The following ZSWIM8 variants were observed in gnomAD, a reference collection of about 807,000 sequenced individuals.
ZSWIM8 encodes zinc finger SWIM-type containing 8.
In ZSWIM8, 27 loss-of-function variants were observed where a neutral mutation model predicts 173.7. The observed-to-expected ratio is 0.16, with a 90% CI of 0.11 to 0.21. ZSWIM8 has a LOEUF of 0.21. Ranked by LOEUF, ZSWIM8 falls within the 10% of genes least tolerant of loss-of-function variation. ZSWIM8 has a pLI of 1.00. For missense variants in ZSWIM8, 1,627 were observed against 2,428.8 expected (o/e 0.67, Z 6.94); for synonymous variants, 958 against 962.0 (o/e 1.00, Z 0.08).
chr10:73,792,566 C>T lies in ZSWIM8; in HGVS notation c.2027C>T (p.Ser676Leu), dbSNP rs375628181. 3.2e-5 allele frequency: 51 copies of T among 1,614,018 alleles called. No homozygotes were observed. Among genetic ancestry groups the T allele is most frequent in the Non-Finnish European group, 3.8e-5 (45 of 1,179,886 alleles). Reference sequence around the variant, plus strand: ...GAAGAAGATGGTGGTGTGTACTTCTCGGAAGGGCCTGAGCCTCCCACAGCC... The same window carrying T: ...GAAGAAGATGGTGGTGTGTACTTCTTGGAAGGGCCTGAGCCTCCCACAGCC... ...TYEEDGGVYF[S>L]EGPEPPTASV... Residue 676 changes from serine to leucine, a missense_variant, in exon 10 of 26, where the codon TCG (serine) becomes TTG (leucine). By Grantham distance (145) the Ser-to-Leu change is moderately radical. Around this residue, in one of 18 missense-constraint regions of ZSWIM8, gnomAD observed 383 missense variants for 394.8 expected, o/e 0.97. Transcript: ENST00000604729. The surrounding 1 kb of genome is among the most constrained non-coding windows in gnomAD (Gnocchi z 4.3).
At position 73,797,660 on chromosome 10, in the gene ZSWIM8, C is replaced by T; in HGVS notation, c.3662+55C>T. 1.3e-6 allele frequency: 2 copies of T among 1,588,022 alleles called. No homozygotes were observed. The highest frequency in any genetic ancestry group is 1.7e-6 in the Non-Finnish European group (2 of 1,162,620). On this transcript the variant is annotated intron_variant, in intron 18 of 25. Transcript: ENST00000604729. The surrounding 1 kb of genome is among the most constrained non-coding windows in gnomAD (Gnocchi z 5.6). ...GATCTGGCCCACCCTCAGAGCCACA[C>T]CCCTAGTGCAATCCAACCATTGTCT... is the stretch of plus-strand genomic sequence containing the variant.
In ZSWIM8 at chr10:73,785,888, A is replaced by T; in HGVS notation, c.10A>T (p.Met4Leu). ...GGGGGGTGCGGGCCCCATGGAGCTGATGTTTGCAGAGTGGGAGGACGGAGA... is the reference window on the plus strand; with the variant it reads ...GGGGGGTGCGGGCCCCATGGAGCTGTTGTTTGCAGAGTGGGAGGACGGAGA... MEL[M>L]FAEWEDGERF... The change falls in exon 1 of 26, where the codon ATG becomes TTG. Residue 4 changes from methionine to leucine, a missense_variant. By Grantham distance (15) the Met-to-Leu change is conservative (BLOSUM62 2). Transcript: ENST00000604729. 6.5e-7 allele frequency: 1 copy of T among 1,539,900 alleles called. No homozygotes were observed. Among genetic ancestry groups the T allele is most frequent in the Non-Finnish European group, 8.8e-7 (1 of 1,141,960 alleles).
In ZSWIM8 at chr10:73,788,636, C is replaced by T. The variant is rs763756078; in HGVS notation, c.209-34C>T. ...ACCATGGCCCTTTTCATTTCCTATT[C>T]TCTTTCCCCTGATCCCAACCATTGT... is the stretch of plus-strand genomic sequence containing the variant. On this transcript the variant is annotated intron_variant, in intron 1 of 25. Coordinates refer to ENST00000604729, the MANE Select transcript of ZSWIM8 (RefSeq NM_001367799.1). The T allele has an allele frequency of 1.9e-6, 3 of 1,610,322 alleles. No homozygotes were observed. The East Asian group carries it at 6.7e-5, about 36-fold the overall frequency.
Position 73,800,796 on chromosome 10 carries a change from C to G in ZSWIM8, c.5122+37C>G, listed in dbSNP as rs550813634. ...CCTCCCTAGGACCATTGCCCCCCCC[C>G]CACCTGCTCTCCCCACCTTCCTTAT... On this transcript the variant is annotated intron_variant, in intron 24 of 25. Transcript: ENST00000604729. The surrounding 1 kb of genome is among the most constrained non-coding windows in gnomAD (Gnocchi z 4.1). 5.4e-6 allele frequency: 8 copies of G among 1,468,710 alleles called. No homozygotes were observed. The highest frequency in any genetic ancestry group is 1.9e-4 in the Middle Eastern group (1 of 5,288). The allele number at this position is 1,468,710 out of a possible 1,614,324, so 91.0% of individuals were successfully genotyped here.
chr10:73,796,654 G>A, intron 15 of ZSWIM8, 120 bp from the exon 16 acceptor site: 1 of 1,395,988 alleles, frequency 7.2e-7, no homozygotes, highest in Non-Finnish European at 9.6e-7. Flanking sequence ...TTGTAAGTGG[G>A]GAAGGCTCCC....
chr10:73,789,676 C>T lies in ZSWIM8; in HGVS notation c.631-41C>T, dbSNP rs766462064. On this transcript the variant is annotated intron_variant, in intron 4 of 25. Transcript: ENST00000604729. The surrounding 1 kb of genome is among the most constrained non-coding windows in gnomAD (Gnocchi z 6.8). ...TCCCCCAGCTCCAGCTCCAGCAAAC[C>T]TGTTCTCAGATTGTTCCATTTTTCT... The T allele has an allele frequency of 7.0e-6, 11 of 1,563,144 alleles. No individual in the cohort carries two copies. In the African/African-American group the frequency reaches 1.5e-4, roughly 21 times the overall value.
In ZSWIM8 at chr10:73,800,411, G is replaced by C; in HGVS notation, c.4941G>C (p.Glu1647Asp). ...VSGGFPPPEE[E>D]THSQPVNPHS... Reference sequence around the variant, plus strand: ...GAGGTTTTCCACCGCCCGAGGAGGAGACACACAGTCAGCCAGTCAATCCCC... The same window carrying C: ...GAGGTTTTCCACCGCCCGAGGAGGACACACACAGTCAGCCAGTCAATCCCC... The change falls in exon 23 of 26, where the codon GAG becomes GAC. Residue 1647 changes from glutamate (E) to aspartate (D), a missense_variant. Transcript: ENST00000604729. The surrounding 1 kb of genome is among the most constrained non-coding windows in gnomAD (Gnocchi z 4.1). 2 of 1,613,912 alleles carry C rather than the reference G, an allele frequency of 1.2e-6. No homozygotes were observed. Among genetic ancestry groups the C allele is most frequent in the Non-Finnish European group, 1.7e-6 (2 of 1,179,868 alleles).
At position 73,789,024 on chromosome 10, in the gene ZSWIM8, A is replaced by C; in HGVS notation, c.363-72A>C. 12 of 1,250,178 alleles carry C rather than the reference A, an allele frequency of 9.6e-6. No individual in the cohort carries two copies. The highest frequency in any genetic ancestry group is 1.2e-5 in the Non-Finnish European group (11 of 911,122). 77.4% of individuals were successfully genotyped at this position (1,250,178 alleles called of 1,614,324 possible). ...AGGCTAGGGAGAGAGTGCCTAGGGC[A>C]TTGTGGTCTCTGACAGGGTCTGCCA... On this transcript the variant is annotated intron_variant, in intron 2 of 25. Coordinates refer to ENST00000604729, the MANE Select transcript of ZSWIM8 (RefSeq NM_001367799.1). This position sits in a 1 kb window ranked among gnomAD's most constrained non-coding sequence, Gnocchi z 6.8.
rs1027557218 is a variant in ZSWIM8 at position 73,794,054 on chromosome 10, T to G, written c.2625+10T>G. On this transcript the variant is annotated intron_variant, in intron 12 of 25. Coordinates refer to ENST00000604729, the MANE Select transcript of ZSWIM8 (RefSeq NM_001367799.1). ...TACCAAGGCCTTGGAGGTCAGAGGCTCCATCTCAGCCTTGTATTTCAGTCT... is the reference window on the plus strand; with the variant it reads ...TACCAAGGCCTTGGAGGTCAGAGGCGCCATCTCAGCCTTGTATTTCAGTCT... 1 of 1,612,130 alleles carries G rather than the reference T, an allele frequency of 6.2e-7. No individual in the cohort carries two copies. The highest frequency in any genetic ancestry group is 8.5e-7 in the Non-Finnish European group (1 of 1,179,072).
chr10:73,801,189 C>T lies in ZSWIM8; in HGVS notation c.5295C>T (p.Tyr1765=). ...TGGTGCAGCGCTGCCAGCAGGCATA[C>T]ATGCAGGTGACAACCTAGAATTATG... ...HQLVQRCQQA[Y]MQYIHHRLIH... The change falls in exon 25 of 26, where the codon TAC becomes TAT. Residue 1765 remains tyrosine (Y), a synonymous_variant. Transcript: ENST00000604729. The surrounding 1 kb of genome is among the most constrained non-coding windows in gnomAD (Gnocchi z 4.9). 6.2e-7 allele frequency: 1 copy of T among 1,601,000 alleles called. No homozygotes were observed. The highest frequency in any genetic ancestry group is 8.5e-7 in the Non-Finnish European group (1 of 1,173,756).
chr10:73,794,587 C>A lies in ZSWIM8; in HGVS notation c.2856C>A (p.Ser952Arg). 6.4e-7 allele frequency: 1 copy of A among 1,559,366 alleles called. No homozygotes were observed. Among genetic ancestry groups the A allele is most frequent in the Non-Finnish European group, 8.7e-7 (1 of 1,150,930 alleles). ...GGCCCCCAAGTCGCAACTGGAACAG[C>A]GAGACACCTGGGGATGAGGAGCTTG... ...GSRPPSRNWN[S>R]ETPGDEELGF... Residue 952 changes from serine (S) to arginine (R), a missense_variant, in exon 14 of 26, where the codon AGC becomes AGA. This residue lies in a region of ZSWIM8 where 169 missense variants were observed against 235.3 expected (regional missense o/e 0.72). Coordinates refer to ENST00000604729, the MANE Select transcript of ZSWIM8 (RefSeq NM_001367799.1).
Position 73,799,240 on chromosome 10 carries a change from C to T in ZSWIM8, c.4415C>T (p.Pro1472Leu), listed in dbSNP as rs775129651. Residue 1472 changes from proline (P) to leucine (L), a missense_variant, in exon 21 of 26, where the codon CCG (proline) becomes CTG (leucine). By Grantham distance (98) the Pro-to-Leu change is moderately conservative. Coordinates refer to ENST00000604729, the MANE Select transcript of ZSWIM8 (RefSeq NM_001367799.1). Reference sequence around the variant, plus strand: ...GGTAGAGGGGGCCCAGGGACTGAGCCGGTTACAGTGGCAGCGGCAGCAGTG... The same window carrying T: ...GGTAGAGGGGGCCCAGGGACTGAGCTGGTTACAGTGGCAGCGGCAGCAGTG... ...PEGRGGPGTE[P>L]VTVAAAAVTA... is the part of the protein sequence containing the mutation. The T allele has an allele frequency of 3.2e-5, 51 of 1,603,364 alleles. No individual in the cohort carries two copies. Among genetic ancestry groups the T allele is most frequent in the Middle Eastern group, 1.7e-4 (1 of 6,046 alleles).
At position 73,789,874 on chromosome 10, in the gene ZSWIM8, A is replaced by G. The variant is rs566332425; in HGVS notation, c.738+50A>G. ...TGCAATTAGCTCCGGGCCAGGCCGC[A>G]TAACAGCCTTCCTGTTAGGCCCAGG... is the stretch of plus-strand genomic sequence containing the variant. On this transcript the variant is annotated intron_variant, in intron 5 of 25. Transcript: ENST00000604729. The surrounding 1 kb of genome is among the most constrained non-coding windows in gnomAD (Gnocchi z 6.8). 4 of 1,582,962 alleles carry G rather than the reference A, an allele frequency of 2.5e-6. 1 individual carries two copies. Among genetic ancestry groups the G allele is most frequent in the Middle Eastern group, 1.7e-4 (1 of 6,026 alleles).
In ZSWIM8 at chr10:73,800,537, T is replaced by C; in HGVS notation, c.5002+65T>C. On this transcript the variant is annotated intron_variant, in intron 23 of 25. Transcript: ENST00000604729. The surrounding 1 kb of genome is among the most constrained non-coding windows in gnomAD (Gnocchi z 4.1). ...TGCCAGTGGCTCTTCAGAGGACCCT[T>C]CCTCTAGCTCTTCATTTGTTTACTG... The C allele has an allele frequency of 1.2e-6, 2 of 1,603,930 alleles. No homozygotes were observed. Among genetic ancestry groups the C allele is most frequent in the South Asian group, 1.1e-5 (1 of 89,414 alleles).
Position 73,797,621 on chromosome 10 carries a change from T to TC in ZSWIM8, c.3662+20dup. The TC allele has an allele frequency of 6.2e-7, 1 of 1,611,780 alleles. No individual in the cohort carries two copies. The highest frequency in any genetic ancestry group is 8.5e-7 in the Non-Finnish European group (1 of 1,178,434). ...AAGTTGGCAGGTCAGTGGGAAGAAC[T>TC]CCCCATCTTCCCTGATCTGGCCCAC... On this transcript the variant is annotated intron_variant, in intron 18 of 25. Transcript: ENST00000604729. This position sits in a 1 kb window ranked among gnomAD's most constrained non-coding sequence, Gnocchi z 5.6.
chr10:73,801,039 C>T lies in ZSWIM8; in HGVS notation c.5145C>T (p.Phe1715=). 1 of 1,553,840 alleles carries T rather than the reference C, an allele frequency of 6.4e-7. No individual in the cohort carries two copies. The highest frequency in any genetic ancestry group is 8.7e-7 in the Non-Finnish European group (1 of 1,148,580). ...CAGGAGTGAACTACGTGCACCAGTT[C>T]TGTGTGGGGGCAGCCAAGGGGGTGC... is the stretch of plus-strand genomic sequence containing the variant. ...AKLGVNYVHQ[F]CVGAAKGVLS... Residue 1715 remains phenylalanine (F), a synonymous_variant, in exon 25 of 26, where the codon TTC becomes TTT. Coordinates refer to ENST00000604729, the MANE Select transcript of ZSWIM8 (RefSeq NM_001367799.1). The surrounding 1 kb of genome is among the most constrained non-coding windows in gnomAD (Gnocchi z 4.9).
At position 73,801,009 on chromosome 10, in the gene ZSWIM8, C is replaced by T; in HGVS notation, c.5123-8C>T. On this transcript the variant is annotated splice_polypyrimidine_tract_variant and splice_region_variant and intron_variant, in intron 24 of 25. Transcript: ENST00000604729. The surrounding 1 kb of genome is among the most constrained non-coding windows in gnomAD (Gnocchi z 4.9). Reference sequence around the variant, plus strand: ...CCCCCGTCTCATGCCCCTCCCCCTGCCCCCCAGGAGTGAACTACGTGCACC... The same window carrying T: ...CCCCCGTCTCATGCCCCTCCCCCTGTCCCCCAGGAGTGAACTACGTGCACC... 1 of 1,537,714 alleles carries T rather than the reference C, an allele frequency of 6.5e-7. No homozygotes were observed. The highest frequency in any genetic ancestry group is 8.8e-7 in the Non-Finnish European group (1 of 1,136,562).
At chr10:73,786,890 C>T (rs554797369) in intron 1 of ZSWIM8, among the ~76,000 whole-genome samples, 1 of 151,480 alleles carries the variant, frequency 6.6e-6, no homozygotes, top group South Asian at 2.1e-4. Context: ...TCCAAACTGG[C>T]TTGTGGAGAT....
intron 1 of ZSWIM8, among the ~76,000 whole-genome samples, chr10:73,787,816 G>T (rs1050334558): frequency 6.6e-6 from 1 of 152,140 alleles, no homozygotes; most frequent in Admixed American, 6.5e-5. Context: ...TGGCACCATT[G>T]CACTCCAGCC....
Sources: allele counts gnomAD v4.1 joint callset (sites outside exome capture counted in the v4.1 genomes callset), GRCh38; gene constraint gnomAD v4.1.1; regional missense constraint gnomAD v4.1.1; non-coding constraint Gnocchi (gnomAD v3.1); transcripts MANE v1.5; gene names NCBI Gene and HGNC (gene_info 2026-07-23, HGNC 2026-07-21).